Variants in SPINT4 observed in about 807,000 individuals in gnomAD.
The protein encoded by SPINT4 is serine peptidase inhibitor, Kunitz type 4, also known as kunitz-type protease inhibitor 4.
In SPINT4, 7 loss-of-function variants were observed where a neutral mutation model predicts 9.4. The ratio of observed to expected loss-of-function variants is 0.74; its 90% CI spans 0.42 to 1.40. The LOEUF (loss-of-function observed/expected upper bound fraction) is 1.40, where lower values mean the gene tolerates loss of function less well. SPINT4 is among the 40% of genes most tolerant of loss of function. The probability of loss-of-function intolerance (pLI) is 0.01; values close to 1 mark genes in which losing one functional copy is unlikely to be tolerated. For synonymous variants in SPINT4, 36 were observed against 39.9 expected (o/e 0.90, Z 0.37); for missense variants, 105 against 114.4 (o/e 0.92, Z 0.37).
In SPINT4 at chr20:45,724,040, T is replaced by C. The variant is rs772592059; in HGVS notation, c.276T>C (p.Val92=). ...AAATAGAACGTGAAGTAGCCTGTGT[T>C]GCAAAATACAAACCACCGTAAGGAA... ...KLKIEREVAC[V]AKYKPPR Residue 92 remains valine (V), a synonymous_variant, in exon 2 of 3, where the codon GTT becomes GTC. Coordinates refer to ENST00000279058, the MANE Select transcript of SPINT4 (RefSeq NM_178455.3). 1.9e-6 allele frequency: 3 copies of C among 1,607,828 alleles called. No homozygotes were observed. The highest frequency in any genetic ancestry group is 1.3e-5 in the African/African-American group (1 of 74,178).
chr20:45,724,512 TAAAAAA>T (rs58689567), intron 2 of SPINT4, among the ~76,000 whole-genome samples: 47,074 of 114,310 alleles, frequency 0.41, 8,673 homozygotes, highest in African/African-American at 0.51. Context: ...AAACTCCATC[TAAAAAA>T]AAAAAAAAAA....
chr20:45,722,914 A>C (rs905963763), intron 1 of SPINT4, among the ~76,000 whole-genome samples: 3 of 152,108 alleles, frequency 2.0e-5, no homozygotes, highest in African/African-American at 2.4e-5. Flanking sequence ...GGAGCTCACA[A>C]TGTAAATGTG....
chr20:45,724,365 G>C (rs1452826008), intron 2 of SPINT4, among the ~76,000 whole-genome samples: 2 of 151,714 alleles, frequency 1.3e-5, no homozygotes, highest in Non-Finnish European at 2.9e-5. Context: ...TCGCATGCCT[G>C]TAATCCCAGC....
chr20:45,723,853 C>G (rs763877419), intron 1 of SPINT4, 27 bp from the exon 2 acceptor site: 2 of 1,534,260 alleles, frequency 1.3e-6, no homozygotes, highest in East Asian at 4.8e-5. Context: ...CCAATTCCCA[C>G]TAACTCAATG....
In SPINT4 at chr20:45,725,817, G is replaced by C; in HGVS notation, c.*182G>C. 1.4e-6 allele frequency: 1 copy of C among 731,502 alleles called. No individual in the cohort carries two copies. Among genetic ancestry groups the C allele is most frequent in the South Asian group, 1.8e-5 (1 of 54,840 alleles). The allele number at this position is 731,502 out of a possible 1,614,324, so 45.3% of individuals were successfully genotyped here. On this transcript the variant is annotated 3_prime_UTR_variant, in exon 3 of 3. Transcript: ENST00000279058. ...TAACTGTATGATCATTAGAATGAAA[G>C]AGTCTTTCTGTCAGCCCTGGCTCTC...
intron 1 of SPINT4, among the ~76,000 whole-genome samples, 165 bp from the exon 2 acceptor site, chr20:45,723,715 A>G (rs1165616690): frequency 6.6e-6 from 1 of 152,104 alleles, no homozygotes; most frequent in East Asian, 1.9e-4. Context: ...CAAGGGCAAC[A>G]TTTCCAAGCA....
At chr20:45,724,999 T>C (rs369751441) in intron 2 of SPINT4, among the ~76,000 whole-genome samples, 1 of 78,420 alleles carries the variant, frequency 1.3e-5, no homozygotes. Context: ...AAAAAAAATA[T>C]ATATATATAT....
intron 2 of SPINT4, 72 bp downstream of exon 2, chr20:45,724,129 A>G: frequency 6.9e-7 from 1 of 1,455,210 alleles, no homozygotes; most frequent in Non-Finnish European, 9.3e-7. Context: ...TAAGATAGAG[A>G]AAATTGATCA....
In SPINT4 at chr20:45,724,995, AATATATAT is replaced by A. The variant is rs1156730831; in HGVS notation, c.294-609_294-602del. 1.6e-3 allele frequency among the ~76,000 whole-genome samples: 57 copies of A among 36,390 alleles called. 1 individual carries two copies. Among genetic ancestry groups the A allele is most frequent in the South Asian group, 0.014 (12 of 876 alleles). 23.9% of individuals were successfully genotyped at this position (36,390 alleles called of 152,430 possible). Reference sequence around the variant, plus strand: ...ACTCCATCTCAAAAAAAAAAAAAAAAATATATATATATATATATATATATATATATATC... The same window carrying A: ...ACTCCATCTCAAAAAAAAAAAAAAAAATATATATATATATATATATATATC... On this transcript the variant is annotated intron_variant, in intron 2 of 2. Transcript: ENST00000279058.
chr20:45,724,841 G>A (rs1279054836), intron 2 of SPINT4, among the ~76,000 whole-genome samples: 4 of 147,720 alleles, frequency 2.7e-5, no homozygotes, highest in South Asian at 2.2e-4. Flanking sequence ...TTTGCCAGGC[G>A]TGGTGGCAGG....
chr20:45,722,427 CCT>C lies in SPINT4; in HGVS notation c.61_62del (p.Leu21ValfsTer6). 1 of 1,613,714 alleles carries C rather than the reference CCT, an allele frequency of 6.2e-7. No individual in the cohort carries two copies. The highest frequency in any genetic ancestry group is 8.5e-7 in the Non-Finnish European group (1 of 1,179,682). ...RFFIFCSLNTLLLGGVNKIAE... is the reference protein window; with the variant it reads ...RFFIFCSLNTXLLGGVNKIAE... ...TCTTCATCTTCTGCTCATTGAATACCCTGTTATTGGGTGGTGTTAATAAAATT... is the reference window on the plus strand; with the variant it reads ...TCTTCATCTTCTGCTCATTGAATACCGTTATTGGGTGGTGTTAATAAAATT... On this transcript the variant is annotated frameshift_variant, in exon 1 of 3. Transcript: ENST00000279058. LOFTEE classifies it high-confidence loss of function.
chr20:45,722,444 T>G lies in SPINT4; in HGVS notation c.77T>G (p.Val26Gly), dbSNP rs777230093. 3.1e-6 allele frequency: 5 copies of G among 1,613,488 alleles called. No homozygotes were observed. Among genetic ancestry groups the G allele is most frequent in the East Asian group, 2.2e-5 (1 of 44,890 alleles). Reference sequence around the variant, plus strand: ...TTGAATACCCTGTTATTGGGTGGTGTTAATAAAATTGCGGAGAAGATATGT... The same window carrying G: ...TTGAATACCCTGTTATTGGGTGGTGGTAATAAAATTGCGGAGAAGATATGT... ...CSLNTLLLGG[V>G]NKIAEKICGD... Residue 26 changes from valine (V) to glycine (G), a missense_variant, in exon 1 of 3, where the codon GTT becomes GGT. By Grantham distance (109) the Val-to-Gly change is moderately radical. Coordinates refer to ENST00000279058, the MANE Select transcript of SPINT4 (RefSeq NM_178455.3).
At position 45,722,348 on chromosome 20, in the gene SPINT4, T is replaced by G. The variant is rs1334561968; in HGVS notation, c.-20T>G. 3 of 1,569,484 alleles carry G rather than the reference T, an allele frequency of 1.9e-6. No homozygotes were observed. The highest frequency in any genetic ancestry group is 2.7e-5 in the African/African-American group (2 of 74,254). ...ACATCAGGTGATACCACAACTATCC[T>G]GCCTGCTGCTTGCTGCACCATGAAG... On this transcript the variant is annotated 5_prime_UTR_variant, in exon 1 of 3. Transcript: ENST00000279058.
intron 2 of SPINT4, among the ~76,000 whole-genome samples, chr20:45,724,532 AAC>A (rs199680233): frequency 0.049 from 7,046 of 144,790 alleles, 354 homozygotes; most frequent in East Asian, 0.24. Flanking sequence ...AAAAAAAAAA[AAC>A]CACATTTGGG....
chr20:45,722,679 G>T (rs1276676100), intron 1 of SPINT4, among the ~76,000 whole-genome samples, 197 bp downstream of exon 1: 1 of 151,998 alleles, frequency 6.6e-6, no homozygotes, highest in Non-Finnish European at 1.5e-5. Context: ...AAACAGAAAT[G>T]ACACAAAGTC....
chr20:45,725,501 A>C (rs1978355689), intron 2 of SPINT4, 128 bp from the exon 3 acceptor site: 1 of 920,968 alleles, frequency 1.1e-6, no homozygotes, highest in African/African-American at 1.7e-5. Flanking sequence ...CAATAAAATA[A>C]GGGAAACATT....
chr20:45,722,522 A>G lies in SPINT4; in HGVS notation c.115+40A>G, dbSNP rs369113859. 9 of 1,426,408 alleles carry G rather than the reference A, an allele frequency of 6.3e-6. No individual in the cohort carries two copies. In the African/African-American group the frequency reaches 1.3e-4, roughly 20 times the overall value. 88.4% of individuals were successfully genotyped at this position (1,426,408 alleles called of 1,614,324 possible). The stretch of plus-strand genomic sequence containing the variant: ...CAGAAAATAAATCCAAAGGTCAATT[A>G]TGAATGAGAGAGAAGGTATTGGGAG... On this transcript the variant is annotated intron_variant, in intron 1 of 2. Coordinates refer to ENST00000279058, the MANE Select transcript of SPINT4 (RefSeq NM_178455.3).
At position 45,723,845 on chromosome 20, in the gene SPINT4, A is replaced by T. The variant is rs534751151; in HGVS notation, c.116-35A>T. ...CAAGTTCTCCTGCTGAGTCCTTACC[A>T]ATTCCCACTAACTCAATGGGAACCT... On this transcript the variant is annotated intron_variant, in intron 1 of 2. Coordinates refer to ENST00000279058, the MANE Select transcript of SPINT4 (RefSeq NM_178455.3). 3.5e-5 allele frequency: 54 copies of T among 1,523,852 alleles called. No individual in the cohort carries two copies. In the Admixed American group the frequency reaches 9.9e-4, roughly 28 times the overall value. The allele number at this position is 1,523,852 out of a possible 1,614,324, so 94.4% of individuals were successfully genotyped here.
chr20:45,723,882 C>T lies in SPINT4; in HGVS notation c.118C>T (p.Pro40Ser). The change falls in exon 2 of 3, where the codon CCC becomes TCC. Residue 40 changes from proline to serine, a missense_variant and splice_region_variant. Coordinates refer to ENST00000279058, the MANE Select transcript of SPINT4 (RefSeq NM_178455.3). ...CTCAATGGGAACCTCTCATGCAGAT[C>T]CCTGCAAATTGGACATGAATTTTGG... is the stretch of plus-strand genomic sequence containing the variant. ...AEKICGDLKD[P>S]CKLDMNFGSC... 1 of 1,584,194 alleles carries T rather than the reference C, an allele frequency of 6.3e-7. No individual in the cohort carries two copies. The highest frequency in any genetic ancestry group is 1.2e-5 in the South Asian group (1 of 85,132).
Sources: gnomAD v4.1 joint callset for allele counts (sites outside exome capture counted in the v4.1 genomes callset) on GRCh38, gnomAD v4.1.1 for gene constraint, MANE v1.5 for transcripts, NCBI Gene and HGNC (gene_info 2026-07-23, HGNC 2026-07-21) for gene names.